PATJ: variants seen among roughly 807,000 people sequenced by gnomAD.
PATJ encodes the protein inaD-like protein.
In PATJ, 190 loss-of-function variants were observed where a neutral mutation model predicts 224.9. The observed-to-expected ratio is 0.84, with a 90% confidence interval of 0.75 to 0.95. The LOEUF (loss-of-function observed/expected upper bound fraction) is 0.95, where lower values mean the gene tolerates loss of function less well. Among genes scored for constraint, PATJ ranks in the 40% least tolerant of loss-of-function variants. The pLI is 0.00. For synonymous variants in PATJ, 769 were observed against 820.3 expected, an observed-to-expected ratio of 0.94 and a Z score of 1.07; for missense variants, 2,121 against 2,270.3, an observed-to-expected ratio of 0.93 and a Z score of 1.34.
rs186086965 is a variant in PATJ at position 61,964,388 on chromosome 1, G to A, written c.3671-25780G>A. The stretch of plus-strand genomic sequence containing the variant: ...TGAACCACTGCACCTGGCCTAAAAA[G>A]CAGTATAATTTCTTATGTGTTCTCG... On this transcript the variant is annotated intron_variant, in intron 27 of 43. Transcript: ENST00000642238. Among the ~76,000 whole-genome samples the A allele has an allele frequency of 3.7e-3, 564 of 152,172 alleles. 2 individuals are homozygous for A. Among genetic ancestry groups the A allele is most frequent in the African/African-American group, 0.013 (534 of 41,546 alleles).
At chr1:62,076,592 T>C (rs1260438250) in intron 31 of PATJ, among the ~76,000 whole-genome samples, 3 of 152,232 alleles carry the variant, frequency 2.0e-5, no homozygotes, top group Non-Finnish European at 4.4e-5. Flanking sequence ...TTGGATTCTA[T>C]GGACTGCTTC....
At chr1:61,862,171 T>A (rs1664712027) in intron 19 of PATJ, among the ~76,000 whole-genome samples, 1 of 147,108 alleles carries the variant, frequency 6.8e-6, no homozygotes, top group Non-Finnish European at 1.5e-5. Context: ...CCTCATTGTA[T>A]ATATACATAT....
rs775084593 is a variant in PATJ at position 62,128,947 on chromosome 1, T to C, written c.5271+2T>C. 1.1e-5 allele frequency: 18 copies of C among 1,589,718 alleles called. No individual in the cohort carries two copies. The highest frequency in any genetic ancestry group is 1.4e-5 in the Non-Finnish European group (16 of 1,158,588). Reference sequence around the variant, plus strand: ...GCCTACGGGCGCATTATCCTGCAGGTATTGCGATCAACGGAGCACGCAGCT... The same window carrying C: ...GCCTACGGGCGCATTATCCTGCAGGCATTGCGATCAACGGAGCACGCAGCT... On this transcript the variant is annotated splice_donor_variant, in intron 41 of 43. Coordinates refer to ENST00000642238, the MANE Select transcript of PATJ (RefSeq NM_001350145.3). LOFTEE classifies it high-confidence loss of function.
At chr1:62,147,646 A>T (rs894591151) in intron 41 of PATJ, among the ~76,000 whole-genome samples, 9 of 152,120 alleles carry the variant, frequency 5.9e-5, no homozygotes, top group African/African-American at 2.2e-4. Context: ...TGAAAATATA[A>T]AAATTAGCTG....
intron 27 of PATJ, among the ~76,000 whole-genome samples, chr1:61,979,656 GA>G (rs3060965): frequency 0.016 from 2,243 of 137,106 alleles, 78 homozygotes; most frequent in African/African-American, 0.056. Context: ...CGTCTCAAAA[GA>G]AAAAAAAAAA....
chr1:62,123,552 A>G (rs1472139203), intron 39 of PATJ, among the ~76,000 whole-genome samples: 1 of 129,566 alleles, frequency 7.7e-6, no homozygotes, highest in African/African-American at 3.0e-5. Context: ...ATCTCGGCTC[A>G]CTGCAAGCTC....
intron 31 of PATJ, among the ~76,000 whole-genome samples, chr1:62,076,667 A>G (rs757121300): frequency 1.3e-5 from 2 of 152,238 alleles, no homozygotes; most frequent in Non-Finnish European, 2.9e-5. Context: ...ACCAGATGCT[A>G]CATGAAACTG....
At chr1:61,839,366 T>A (rs72674661) in intron 17 of PATJ, among the ~76,000 whole-genome samples, 1 of 152,090 alleles carries the variant, frequency 6.6e-6, no homozygotes, top group Non-Finnish European at 1.5e-5. Context: ...ATTAATATAG[T>A]GTGCTCATAT....
chr1:62,079,685 C>T, intron 32 of PATJ, 118 bp downstream of exon 32: 1 of 700,266 alleles, frequency 1.4e-6, no homozygotes, highest in South Asian at 1.8e-5. Flanking sequence ...GATACTTCCT[C>T]CGCTTCCTTA....
intron 27 of PATJ, among the ~76,000 whole-genome samples, chr1:61,934,310 G>T (rs566396680): frequency 4.1e-4 from 62 of 152,264 alleles, no homozygotes; most frequent in Non-Finnish European, 7.8e-4. Flanking sequence ...TAGAGATGGG[G>T]TTTCATCATG....
At chr1:62,038,843 T>C in intron 30 of PATJ, 1 of 714,588 alleles carries the variant, frequency 1.4e-6, no homozygotes, top group East Asian at 2.7e-5. Flanking sequence ...GTGGGTGGGA[T>C]GGAGGCGACC....
intron 41 of PATJ, among the ~76,000 whole-genome samples, chr1:62,129,717 G>T (rs563347879): frequency 2.7e-4 from 41 of 152,318 alleles, no homozygotes; most frequent in Non-Finnish European, 5.3e-4. Context: ...GAGGTGGGCG[G>T]ATCACCTGAG....
intron 17 of PATJ, among the ~76,000 whole-genome samples, chr1:61,839,364 A>G (rs1660718321): frequency 1.3e-5 from 2 of 152,184 alleles, no homozygotes; most frequent in Non-Finnish European, 2.9e-5. Flanking sequence ...AAATTAATAT[A>G]GTGTGCTCAT....
At chr1:62,117,591 A>G (rs1278623496) in intron 37 of PATJ, 2 of 188,604 alleles carry the variant, frequency 1.1e-5, no homozygotes, top group Admixed American at 1.3e-4. Flanking sequence ...ATATTGCTAT[A>G]AAGTTAACTT....
rs1310319498 is a variant in PATJ, at chr1:61,766,404, T to C, written c.315T>C (p.Ser105=). 3 of 1,612,830 alleles carry C rather than the reference T, an allele frequency of 1.9e-6. No individual in the cohort carries two copies. In the African/African-American group the frequency reaches 4.0e-5, roughly 22 times the overall value. The change falls in exon 4 of 44, where the codon TCT becomes TCC. Residue 105 remains serine, a synonymous_variant. Coordinates refer to ENST00000642238, the MANE Select transcript of PATJ (RefSeq NM_001350145.3). The stretch of plus-strand genomic sequence containing the variant: ...GGCCCTCTAATAACTCGACTGTATC[T>C]GGGTTATTTCCGTGGACCCCGAAGT... ...VHRPSNNSTV[S]GLFPWTPKLG...
chr1:61,756,480 A>G (rs1645644519), intron 1 of PATJ, among the ~76,000 whole-genome samples: 2 of 151,546 alleles, frequency 1.3e-5, no homozygotes, highest in Admixed American at 6.6e-5. Flanking sequence ...TGTTTTAACA[A>G]GCCCTACAGG....
chr1:61,972,284 C>G (rs1243168473), intron 27 of PATJ, among the ~76,000 whole-genome samples: 1 of 152,010 alleles, frequency 6.6e-6, no homozygotes, highest in East Asian at 1.9e-4. Flanking sequence ...GGTGTGGCTT[C>G]ATGCGACTGT....
At chr1:61,813,367 A>C (rs1421774873) in intron 14 of PATJ, among the ~76,000 whole-genome samples, 4 of 45,994 alleles carry the variant, frequency 8.7e-5, no homozygotes, top group South Asian at 7.0e-4. Context: ...ATATATATAT[A>C]TATATATATA....
intron 20 of PATJ, among the ~76,000 whole-genome samples, chr1:61,872,826 A>C (rs1462682751): frequency 6.6e-6 from 1 of 152,166 alleles, no homozygotes; most frequent in Non-Finnish European, 1.5e-5. Flanking sequence ...TTGACTTTTC[A>C]AGCCTGTGCT....
Sources: allele counts gnomAD v4.1 joint callset (sites outside exome capture counted in the v4.1 genomes callset), GRCh38; gene constraint gnomAD v4.1.1; transcripts MANE v1.5; gene names NCBI Gene and HGNC (gene_info 2026-07-23, HGNC 2026-07-21).